CCDC57: variants seen among roughly 807,000 people sequenced by gnomAD.
CCDC57 encodes the protein coiled-coil domain-containing protein 57.
In CCDC57, 118 loss-of-function variants were observed where a neutral mutation model predicts 118.9. The observed-to-expected ratio is 0.99, with a 90% CI of 0.86 to 1.16. The LOEUF (loss-of-function observed/expected upper bound fraction) is 1.16, where lower values mean the gene tolerates loss of function less well. Among genes scored for constraint, CCDC57 ranks in the 50% most tolerant of loss-of-function variants. The pLI, the probability that CCDC57 is intolerant of heterozygous loss-of-function variation, is 0.00. For missense variants in CCDC57, 1,300 were observed against 1,320.7 expected, an observed-to-expected ratio of 0.98 and a Z score of 0.24; for synonymous variants, 527 against 532.9, an observed-to-expected ratio of 0.99 and a Z score of 0.15.
In CCDC57 at chr17:82,105,315, C is replaced by T. The variant is rs1491004006; in HGVS notation, c.2900-3449G>A. ...CAAGGGCCCTTGTTCTGCTGAACCC[C>T]CTCTGGCTGCCACAGGGGTCCTCAC... is the stretch of plus-strand genomic sequence containing the variant. On this transcript the variant is annotated intron_variant, in intron 19 of 19. Transcript: ENST00000665763. Among the ~76,000 whole-genome samples, 3 of 152,312 alleles carry T rather than the reference C, an allele frequency of 2.0e-5. No homozygotes were observed. In the East Asian group the frequency reaches 5.8e-4, roughly 29 times the overall value.
chr17:82,138,523 C>T (rs1325338450), intron 16 of CCDC57, among the ~76,000 whole-genome samples: 1 of 151,286 alleles, frequency 6.6e-6, no homozygotes, highest in Non-Finnish European at 1.5e-5. Context: ...CTCCAGCCTG[C>T]ATGACAGAGG....
At chr17:82,145,951 TGG>T (rs745359218) in intron 16 of CCDC57, 4 of 329,634 alleles carry the variant, frequency 1.2e-5, no homozygotes, top group Non-Finnish European at 2.5e-5. Context: ...GCCATCTATA[TGG>T]GCACCGGCAG....
At chr17:82,157,309 G>A (rs1599003201) in intron 15 of CCDC57, 1 of 364,478 alleles carries the variant, frequency 2.7e-6, no homozygotes, top group Non-Finnish European at 4.1e-6. Flanking sequence ...GAACGCAGCA[G>A]TGAGGGCCAT....
chr17:82,146,641 T>C (rs566755604), intron 16 of CCDC57, among the ~76,000 whole-genome samples: 15 of 152,370 alleles, frequency 9.8e-5, no homozygotes, highest in Admixed American at 6.5e-4. Context: ...GTCCCCATTC[T>C]TCTCTTCTCA....
chr17:82,106,834 T>C (rs536805863), intron 19 of CCDC57, among the ~76,000 whole-genome samples: 5 of 152,188 alleles, frequency 3.3e-5, no homozygotes, highest in African/African-American at 4.8e-5. Context: ...AGATTCTGGG[T>C]AAAATTCATG....
chr17:82,149,907 A>G (rs2041644558), intron 16 of CCDC57, among the ~76,000 whole-genome samples: 1 of 148,410 alleles, frequency 6.7e-6, no homozygotes, highest in South Asian at 2.1e-4. Flanking sequence ...CCAGGCACAC[A>G]CCCAGAACAA....
chr17:82,159,562 G>T (rs1343737285), intron 14 of CCDC57, among the ~76,000 whole-genome samples: 3 of 152,178 alleles, frequency 2.0e-5, no homozygotes, highest in African/African-American at 7.2e-5. Flanking sequence ...AAAATGAGAG[G>T]TATGAGGGTA....
At chr17:82,203,445 C>T (rs564119289) in intron 2 of CCDC57, among the ~76,000 whole-genome samples, 1 of 152,160 alleles carries the variant, frequency 6.6e-6, no homozygotes, top group African/African-American at 2.4e-5. Flanking sequence ...TTTATTTGTT[C>T]ATCATGGACT....
At chr17:82,136,865 G>A (rs1039815843) in intron 16 of CCDC57, among the ~76,000 whole-genome samples, 6 of 152,180 alleles carry the variant, frequency 3.9e-5, no homozygotes, top group Non-Finnish European at 7.3e-5. Flanking sequence ...TTAGAGGCAT[G>A]AGCCACTGCA....
chr17:82,178,884 CT>C, intron 10 of CCDC57, 142 bp downstream of exon 9: 1 of 1,005,410 alleles, frequency 9.9e-7, no homozygotes, highest in Admixed American at 2.9e-5. Context: ...ATTTTTATTA[CT>C]CTAATTTATT....
At chr17:82,144,746 T>C (rs1180078211) in intron 16 of CCDC57, among the ~76,000 whole-genome samples, 1 of 152,262 alleles carries the variant, frequency 6.6e-6, no homozygotes, top group Non-Finnish European at 1.5e-5. Flanking sequence ...ATAGATACTT[T>C]ACTATTTATG....
chr17:82,148,125 A>AGATG (rs143199335), intron 16 of CCDC57, among the ~76,000 whole-genome samples: 5,648 of 75,716 alleles, frequency 0.075, 231 homozygotes, highest in African/African-American at 0.13. Flanking sequence ...TTGGATGGTT[A>AGATG]GATGGATGGA....
At chr17:82,205,152 T>C (rs142714231) in intron 2 of CCDC57, among the ~76,000 whole-genome samples, 19 of 152,234 alleles carry the variant, frequency 1.2e-4, no homozygotes, top group Admixed American at 2.0e-4. Flanking sequence ...TATCAGCAAA[T>C]ACACATTAAA....
At chr17:82,148,757 T>G (rs2041353192) in intron 16 of CCDC57, among the ~76,000 whole-genome samples, 2 of 21,040 alleles carry the variant, frequency 9.5e-5, no homozygotes, top group African/African-American at 1.9e-4. Flanking sequence ...AATGGGTGGG[T>G]GGATGGATGG....
At chr17:82,161,508 T>C (rs1321235816) in intron 14 of CCDC57, among the ~76,000 whole-genome samples, 4 of 152,152 alleles carry the variant, frequency 2.6e-5, no homozygotes, top group African/African-American at 9.7e-5. Context: ...AACCCAAATG[T>C]TGAGTGCATG....
At chr17:82,173,356 C>T (rs1050418644) in intron 11 of CCDC57, among the ~76,000 whole-genome samples, 6 of 151,980 alleles carry the variant, frequency 3.9e-5, no homozygotes, top group East Asian at 1.9e-4. Context: ...GTTCAGAGCG[C>T]GCAGAAGAAA....
chr17:82,124,187 C>T (rs1309395392), intron 19 of CCDC57, among the ~76,000 whole-genome samples: 6 of 152,134 alleles, frequency 3.9e-5, no homozygotes, highest in African/African-American at 1.4e-4. Flanking sequence ...AGGGTACACC[C>T]TGAGGGTAGG....
intron 19 of CCDC57, among the ~76,000 whole-genome samples, chr17:82,107,088 G>A (rs889482837): frequency 3.9e-5 from 6 of 152,330 alleles, no homozygotes; most frequent in African/African-American, 1.2e-4. Flanking sequence ...AGGGAGCCTG[G>A]CTCTGCAGGA....
intron 7 of CCDC57, among the ~76,000 whole-genome samples, chr17:82,188,818 C>T (rs557967489): frequency 5.9e-5 from 9 of 152,352 alleles, no homozygotes; most frequent in South Asian, 2.1e-4. Flanking sequence ...GGAGCCACAC[C>T]GCACCCCACC....
Sources: gnomAD v4.1 joint callset for allele counts (sites outside exome capture counted in the v4.1 genomes callset) on GRCh38, gnomAD v4.1.1 for gene constraint, MANE v1.5 for transcripts, NCBI Gene and HGNC (gene_info 2026-07-23, HGNC 2026-07-21) for gene names.